CREB3L1: variants seen among roughly 807,000 people sequenced by gnomAD.
CREB3L1 encodes the protein cAMP responsive element binding protein 3 like 1.
In CREB3L1, 33 loss-of-function variants were observed where a neutral mutation model predicts 54.5. That is an observed-to-expected ratio of 0.61 (90% CI 0.46 to 0.81). The LOEUF (loss-of-function observed/expected upper bound fraction) is 0.81. Ranked by LOEUF, CREB3L1 falls within the 30% of genes least tolerant of loss-of-function variation. The probability of loss-of-function intolerance (pLI) is 0.00; values close to 1 mark genes in which losing one functional copy is unlikely to be tolerated. For missense variants in CREB3L1, 656 were observed against 673.3 expected, an observed-to-expected ratio of 0.97 and a Z score of 0.29; for synonymous variants, 284 against 286.4, an observed-to-expected ratio of 0.99 and a Z score of 0.08.
At chr11:46,309,885 A>G in intron 3 of CREB3L1, 104 bp from the exon 4 acceptor site, 2 of 873,922 alleles carry the variant, frequency 2.3e-6, no homozygotes, top group Admixed American at 4.3e-5. Context: ...CCACTTCCCC[A>G]ACTGTGCAGG....
rs551211747 is a variant in CREB3L1 at position 46,317,366 on chromosome 11, A to G, written c.1137A>G (p.Ala379=). 6 of 1,613,918 alleles carry G rather than the reference A, an allele frequency of 3.7e-6. No individual in the cohort carries two copies. The Admixed American group carries it at 5.0e-5, about 13-fold the overall frequency. ...ATQTGTCLMV[A]ALCFVLVLGS... ...CACTCTCTCTTTGCTACCAGGTGGCAGCCTTGTGCTTTGTTCTGGTGCTGG... is the reference window on the plus strand; with the variant it reads ...CACTCTCTCTTTGCTACCAGGTGGCGGCCTTGTGCTTTGTTCTGGTGCTGG... Residue 379 remains alanine (A), a synonymous_variant, in exon 10 of 12, where the codon GCA becomes GCG. Coordinates refer to ENST00000621158, the MANE Select transcript of CREB3L1 (RefSeq NM_052854.4).
chr11:46,304,515 G>A (rs1939350047), intron 2 of CREB3L1, among the ~76,000 whole-genome samples: 3 of 152,126 alleles, frequency 2.0e-5, no homozygotes, highest in Admixed American at 2.0e-4. Context: ...AGGGCTTAGA[G>A]CTGTGCTCAG....
At chr11:46,314,700 T>A (rs964671422) in intron 8 of CREB3L1, among the ~76,000 whole-genome samples, 1 of 151,306 alleles carries the variant, frequency 6.6e-6, no homozygotes, top group African/African-American at 2.4e-5. Context: ...TACTTTTTTA[T>A]TTTTATTTAC....
In CREB3L1 at chr11:46,307,861, T is replaced by C. The variant is rs1283689636; in HGVS notation, c.377T>C (p.Ile126Thr). 5.1e-6 allele frequency: 8 copies of C among 1,583,528 alleles called. No individual in the cohort carries two copies. Among genetic ancestry groups the C allele is most frequent in the Non-Finnish European group, 6.9e-6 (8 of 1,165,074 alleles). The change falls in exon 3 of 12, where the codon ATC (isoleucine) becomes ACC (threonine). Residue 126 changes from isoleucine to threonine, a missense_variant. By Grantham distance (89) the Ile-to-Thr change is moderately conservative. Coordinates refer to ENST00000621158, the MANE Select transcript of CREB3L1 (RefSeq NM_052854.4). ...GCGCTGGGACACAAACTGTGCTCCA[T>C]CATGGTGAAGCAGGAGCAGAGCCCG... ...AWALGHKLCS[I>T]MVKQEQSPEL...
At chr11:46,283,737 T>G (rs1052334099) in intron 1 of CREB3L1, among the ~76,000 whole-genome samples, 3 of 151,802 alleles carry the variant, frequency 2.0e-5, no homozygotes, top group African/African-American at 7.3e-5. Context: ...AAATAAATTA[T>G]CCAGGCATGG....
At chr11:46,293,061 C>A (rs891038044) in intron 1 of CREB3L1, among the ~76,000 whole-genome samples, 2 of 152,174 alleles carry the variant, frequency 1.3e-5, no homozygotes, top group African/African-American at 4.8e-5. Flanking sequence ...ATCTCTGTAT[C>A]CACAAAGCTG....
intron 10 of CREB3L1, among the ~76,000 whole-genome samples, chr11:46,319,390 C>T (rs1484118920): frequency 6.6e-6 from 1 of 152,200 alleles, no homozygotes; most frequent in Non-Finnish European, 1.5e-5. Flanking sequence ...TCAGCTGCCT[C>T]CTCTGGGAAG....
At chr11:46,302,321 G>C (rs1187840891) in intron 2 of CREB3L1, among the ~76,000 whole-genome samples, 1 of 151,874 alleles carries the variant, frequency 6.6e-6, no homozygotes, top group African/African-American at 2.4e-5. Context: ...ATTCCTGAAG[G>C]TAGCATTCTC....
In CREB3L1 at chr11:46,299,941, C is replaced by A; in HGVS notation, c.109C>A (p.Pro37Thr). ...TCACCTCTTCCTTCCCTAGCACTTT[C>A]CTGAGCACCTGGACCACTTTACGGA... ...ESDFLNNAHF[P>T]EHLDHFTENM... The change falls in exon 2 of 12, where the codon CCT (proline) becomes ACT (threonine). Residue 37 changes from proline to threonine, a missense_variant. Physicochemically the swap from Pro to Thr is conservative, Grantham distance 38. Around this residue, in one of 3 missense-constraint regions of CREB3L1, gnomAD observed 339 missense variants for 331.5 expected, o/e 1.02. Transcript: ENST00000621158. The A allele has an allele frequency of 6.2e-7, 1 of 1,613,556 alleles. No homozygotes were observed. The highest frequency in any genetic ancestry group is 8.5e-7 in the Non-Finnish European group (1 of 1,179,526).
intron 2 of CREB3L1, among the ~76,000 whole-genome samples, chr11:46,303,781 G>C (rs1939336036): frequency 6.6e-6 from 1 of 151,688 alleles, no homozygotes; most frequent in Non-Finnish European, 1.5e-5. Context: ...CAGGAGGATT[G>C]CTTGAGCTCA....
chr11:46,305,732 G>GTGTGTGTGTA (rs1480133780), intron 2 of CREB3L1, among the ~76,000 whole-genome samples: 48 of 118,466 alleles, frequency 4.1e-4, no homozygotes, highest in African/African-American at 5.6e-4. Flanking sequence ...GTGTGTGTGT[G>GTGTGTGTGTA]TATATATATA....
intron 1 of CREB3L1, among the ~76,000 whole-genome samples, chr11:46,280,744 C>A (rs950301194): frequency 3.9e-5 from 6 of 152,122 alleles, no homozygotes; most frequent in African/African-American, 1.4e-4. Flanking sequence ...ATCTCCATAT[C>A]CGAGGTTCTT....
At chr11:46,313,485 G>C (rs748522441) in intron 8 of CREB3L1, among the ~76,000 whole-genome samples, 6 of 152,086 alleles carry the variant, frequency 3.9e-5, no homozygotes, top group Admixed American at 3.9e-4. Context: ...TTAGGAGTTC[G>C]AGACCAGACT....
chr11:46,316,585 C>T (rs549855476), intron 9 of CREB3L1, among the ~76,000 whole-genome samples, 200 bp downstream of exon 9: 7 of 152,288 alleles, frequency 4.6e-5, no homozygotes, highest in South Asian at 2.1e-4. Flanking sequence ...TGCCTCACAC[C>T]GGTCCCCGAC....
intron 1 of CREB3L1, among the ~76,000 whole-genome samples, chr11:46,299,143 C>CT (rs111258259): frequency 6.6e-4 from 99 of 150,402 alleles, no homozygotes; most frequent in African/African-American, 1.6e-3. Context: ...ATATTTTCTA[C>CT]TTTTTTTTTT....
At chr11:46,316,918 C>A (rs916806249) in intron 9 of CREB3L1, among the ~76,000 whole-genome samples, 1 of 152,150 alleles carries the variant, frequency 6.6e-6, no homozygotes, top group African/African-American at 2.4e-5. Context: ...GGCAGCAGAA[C>A]CAGGCTATGG....
chr11:46,288,901 G>T (rs182019979), intron 1 of CREB3L1, among the ~76,000 whole-genome samples: 1 of 152,156 alleles, frequency 6.6e-6, no homozygotes, highest in African/African-American at 2.4e-5. Context: ...GAGCCTCAGC[G>T]TCTCATCCAT....
rs1372147189 is a variant in CREB3L1 at position 46,295,609 on chromosome 11, C to T, written c.103-4326C>T. Among the ~76,000 whole-genome samples, 1 of 152,234 alleles carries T rather than the reference C, an allele frequency of 6.6e-6. No homozygotes were observed. The highest frequency in any genetic ancestry group is 1.9e-4 in the East Asian group (1 of 5,182). ...AGGCCGGGACCCTCCTCCGCGCGAG[C>T]CCTGCACTCCTCCGGTGCCCTCCAC... On this transcript the variant is annotated intron_variant, in intron 1 of 11. Coordinates refer to ENST00000621158, the MANE Select transcript of CREB3L1 (RefSeq NM_052854.4). The surrounding 1 kb of genome is among the most constrained non-coding windows in gnomAD (Gnocchi z 4.6).
rs776660956 is a variant in CREB3L1 at position 46,309,571 on chromosome 11, TCCTCGGAG to T, written c.517-415_517-408del. Reference sequence around the variant, plus strand: ...TCAGACTTTGACTTCTCAGGGAGCATCCTCGGAGCCCCCAGCCAATTAATGCCTCCTTC... The same window carrying T: ...TCAGACTTTGACTTCTCAGGGAGCATCCCCCAGCCAATTAATGCCTCCTTC... On this transcript the variant is annotated intron_variant, in intron 3 of 11. Transcript: ENST00000621158. Among the ~76,000 whole-genome samples, 12 of 152,344 alleles carry T rather than the reference TCCTCGGAG, an allele frequency of 7.9e-5. No homozygotes were observed. The South Asian group carries it at 1.2e-3, about 16-fold the overall frequency.
Sources: allele counts gnomAD v4.1 joint callset (sites outside exome capture counted in the v4.1 genomes callset), GRCh38; gene constraint gnomAD v4.1.1; regional missense constraint gnomAD v4.1.1; non-coding constraint Gnocchi (gnomAD v3.1); transcripts MANE v1.5; gene names NCBI Gene and HGNC (gene_info 2026-07-23, HGNC 2026-07-21).